Variants in ZNF385D observed in about 807,000 individuals in gnomAD.
ZNF385D encodes the protein zinc finger protein 659.
ZNF385D carries 15 observed loss-of-function variants against 35.8 expected under a neutral mutation model. The ratio of observed to expected loss-of-function variants is 0.42; its 90% CI spans 0.28 to 0.64. The LOEUF (loss-of-function observed/expected upper bound fraction) is 0.64, where lower values mean the gene tolerates loss of function less well. Among genes scored for constraint, ZNF385D ranks in the 30% least tolerant of loss-of-function variants. The probability of loss-of-function intolerance (pLI) is 0.23; values close to 1 mark genes in which losing one functional copy is unlikely to be tolerated. For missense variants in ZNF385D, 474 were observed against 494.6 expected (o/e 0.96, Z 0.39); for synonymous variants, 212 against 186.8 (o/e 1.13, Z -1.10).
At chr3:22,186,582 C>T (rs963138477) in intron 2 of ZNF385D, among the ~76,000 whole-genome samples, 1 of 152,110 alleles carries the variant, frequency 6.6e-6, no homozygotes, top group South Asian at 2.1e-4. Context: ...ATGCAACCTT[C>T]TGATTTTGAT....
At chr3:22,251,211 G>A (rs763407827) in intron 2 of ZNF385D, among the ~76,000 whole-genome samples, 1 of 152,084 alleles carries the variant, frequency 6.6e-6, no homozygotes, top group Admixed American at 6.6e-5. Flanking sequence ...GACGTGAAAA[G>A]AAGAATCCGT....
intron 3 of ZNF385D, among the ~76,000 whole-genome samples, chr3:22,024,191 A>C (rs933900093): frequency 2.6e-5 from 4 of 152,154 alleles, no homozygotes; most frequent in African/African-American, 9.7e-5. Context: ...GCCCTAGAAC[A>C]TCAGACTCTA....
intron 3 of ZNF385D, among the ~76,000 whole-genome samples, chr3:22,013,298 T>C (rs1437853548): frequency 6.6e-6 from 1 of 152,168 alleles, no homozygotes; most frequent in Admixed American, 6.5e-5. Flanking sequence ...ACATAGTATA[T>C]ATATAAATTC....
chr3:22,255,555 G>A (rs1041248979), intron 2 of ZNF385D, among the ~76,000 whole-genome samples: 6 of 151,596 alleles, frequency 4.0e-5, no homozygotes, highest in Non-Finnish European at 8.8e-5. Flanking sequence ...TCAAAGACTT[G>A]TAAAGTTTTT....
chr3:21,653,803 A>G (rs1451593175), intron 2 of ZNF385D, among the ~76,000 whole-genome samples: 1 of 152,054 alleles, frequency 6.6e-6, no homozygotes, highest in Admixed American at 6.6e-5. Flanking sequence ...ATAGAGCTCC[A>G]AAAGCTCCAT....
chr3:21,688,305 A>G (rs1049401499), intron 1 of ZNF385D, among the ~76,000 whole-genome samples: 1 of 152,182 alleles, frequency 6.6e-6, no homozygotes, highest in African/African-American at 2.4e-5. Flanking sequence ...TTAGGGATAT[A>G]CCATAACTAG....
intron 1 of ZNF385D, among the ~76,000 whole-genome samples, chr3:21,682,892 C>T (rs2066962822): frequency 6.7e-6 from 1 of 149,858 alleles, no homozygotes; most frequent in Non-Finnish European, 1.5e-5. Context: ...ATTTTACTTT[C>T]TAAGATAGTC....
intron 2 of ZNF385D, among the ~76,000 whole-genome samples, chr3:21,615,847 A>G (rs1047057457): frequency 6.6e-6 from 1 of 151,070 alleles, no homozygotes; most frequent in African/African-American, 2.4e-5. Context: ...ATTTGCAAAG[A>G]CCCCATTATT....
chr3:22,276,752 T>A (rs1015896046), intron 2 of ZNF385D, among the ~76,000 whole-genome samples: 2 of 152,144 alleles, frequency 1.3e-5, no homozygotes, highest in Non-Finnish European at 2.9e-5. Context: ...TGGCCTTTGC[T>A]GCTTATGGAT....
chr3:22,078,577 C>A (rs960935233), intron 3 of ZNF385D, among the ~76,000 whole-genome samples: 3 of 151,990 alleles, frequency 2.0e-5, no homozygotes, highest in Admixed American at 2.0e-4. Flanking sequence ...CTTATCAAGG[C>A]AAGGAAGTTC....
At chr3:21,928,368 G>T (rs1256012178) in intron 3 of ZNF385D, among the ~76,000 whole-genome samples, 2 of 151,234 alleles carry the variant, frequency 1.3e-5, no homozygotes, top group Non-Finnish European at 3.0e-5. Context: ...GGAAGGAAAG[G>T]AAAGGAAAGC....
At chr3:21,449,087 T>C (rs1272660669) in intron 4 of ZNF385D, among the ~76,000 whole-genome samples, 1 of 86,514 alleles carries the variant, frequency 1.2e-5, no homozygotes, top group Non-Finnish European at 2.3e-5. Flanking sequence ...TAAGTATATA[T>C]TTAAGAAAAA....
At chr3:21,712,165 C>G (rs1034291990) in intron 1 of ZNF385D, among the ~76,000 whole-genome samples, 1 of 152,156 alleles carries the variant, frequency 6.6e-6, no homozygotes, top group Non-Finnish European at 1.5e-5. Flanking sequence ...CTTTGCACCT[C>G]CCTTTACTAT....
chr3:22,193,645 T>C (rs530613917), intron 2 of ZNF385D, among the ~76,000 whole-genome samples: 1 of 152,148 alleles, frequency 6.6e-6, no homozygotes, highest in Non-Finnish European at 1.5e-5. Context: ...AGCTTCTGGA[T>C]TAGTGTTCCA....
chr3:22,156,091 G>A (rs1705562880), intron 3 of ZNF385D, among the ~76,000 whole-genome samples: 1 of 151,970 alleles, frequency 6.6e-6, no homozygotes, highest in Admixed American at 6.6e-5. Context: ...AAGAATAAAG[G>A]AGACATAATA....
At chr3:22,006,066 G>A (rs1696178139) in intron 3 of ZNF385D, among the ~76,000 whole-genome samples, 1 of 152,022 alleles carries the variant, frequency 6.6e-6, no homozygotes, top group Non-Finnish European at 1.5e-5. Context: ...TTTAAATACA[G>A]TCCAGGGTAG....
chr3:21,537,606 G>A (rs970885204), intron 3 of ZNF385D, among the ~76,000 whole-genome samples: 3 of 152,046 alleles, frequency 2.0e-5, no homozygotes, highest in African/African-American at 4.8e-5. Flanking sequence ...TATTTGTCTA[G>A]ATTACTGAGT....
intron 3 of ZNF385D, among the ~76,000 whole-genome samples, chr3:21,830,590 C>T (rs1028204653): frequency 3.9e-5 from 6 of 152,138 alleles, no homozygotes; most frequent in Non-Finnish European, 7.4e-5. Flanking sequence ...GTTTTCTTTC[C>T]TTCTTTCCTT....
At chr3:22,208,329 G>A (rs149832812) in intron 2 of ZNF385D, among the ~76,000 whole-genome samples, 2 of 151,942 alleles carry the variant, frequency 1.3e-5, no homozygotes, top group African/African-American at 4.8e-5. Flanking sequence ...AGTGGAATAA[G>A]CCAGACACAG....
Sources: allele counts gnomAD v4.1 joint callset (sites outside exome capture counted in the v4.1 genomes callset), GRCh38; gene constraint gnomAD v4.1.1; transcripts MANE v1.5; gene names NCBI Gene and HGNC (gene_info 2026-07-23, HGNC 2026-07-21).